Variants in IL1RAPL2 observed in about 807,000 individuals in gnomAD.
IL1RAPL2 encodes X-linked interleukin-1 receptor accessory protein-like 2.
In IL1RAPL2, 3 loss-of-function variants were observed where a neutral mutation model predicts 44.1. That is an observed-to-expected ratio of 0.07 (90% CI 0.03 to 0.18). IL1RAPL2 has a LOEUF of 0.18. Among genes scored for constraint, IL1RAPL2 ranks in the 10% least tolerant of loss-of-function variants. The pLI is 1.00. For synonymous variants in IL1RAPL2, 181 were observed against 178.8 expected, an observed-to-expected ratio of 1.01 and a Z score of -0.10; for missense variants, 391 against 496.4, an observed-to-expected ratio of 0.79 and a Z score of 2.02.
At chrX:105,145,416 C>G (rs1482304433) in intron 2 of IL1RAPL2, among the ~76,000 whole-genome samples, 1 of 111,552 alleles carries the variant, frequency 9.0e-6, no homozygotes, top group Non-Finnish European at 1.9e-5. Flanking sequence ...CCCTAGAATT[C>G]CCCTGCAATC....
At chrX:104,908,136 TTA>T (rs1170718118) in intron 2 of IL1RAPL2, among the ~76,000 whole-genome samples, 1 of 111,105 alleles carries the variant, frequency 9.0e-6, no homozygotes, top group African/African-American at 3.3e-5. Context: ...CCCTGCCTTT[TTA>T]TGTTTTCCAT....
chrX:104,804,516 A>C (rs909065629), intron 2 of IL1RAPL2: 1 of 111,836 alleles, frequency 8.9e-6, no homozygotes, highest in Non-Finnish European at 1.9e-5. Flanking sequence ...TGCCCAGGAC[A>C]TGGTGTTGAA....
At chrX:105,440,830 G>C (rs998191067) in intron 5 of IL1RAPL2, among the ~76,000 whole-genome samples, 1 of 111,287 alleles carries the variant, frequency 9.0e-6, no homozygotes, top group South Asian at 3.8e-4. Flanking sequence ...AATCATGGGG[G>C]GTGGTTTCCC....
chrX:105,415,196 T>C (rs1280899402), intron 5 of IL1RAPL2, among the ~76,000 whole-genome samples: 1 of 111,939 alleles, frequency 8.9e-6, no homozygotes. Flanking sequence ...TTAAAGGAAG[T>C]TTTCTAAATT....
intron 1 of IL1RAPL2, among the ~76,000 whole-genome samples, chrX:104,611,655 G>T (rs1369760241): frequency 2.8e-5 from 3 of 108,846 alleles, no homozygotes; most frequent in Non-Finnish European, 5.7e-5. Context: ...GGCTAACACG[G>T]TGAAACCCCG....
intron 2 of IL1RAPL2, among the ~76,000 whole-genome samples, chrX:105,058,977 T>TA (rs1412551933): frequency 1.8e-5 from 2 of 111,607 alleles, no homozygotes; most frequent in Admixed American, 9.5e-5. Context: ...ATGTATAACT[T>TA]AAAAAAATGT....
rs927014303 is a variant in IL1RAPL2 at position 105,036,051 on chromosome X, G to A, written c.83-159424G>A. ...AACCATGGCCTCTATGGAAGATCATGAGGTATCAGTGTCATTCTTTTGGTA... is the reference window on the plus strand; with the variant it reads ...AACCATGGCCTCTATGGAAGATCATAAGGTATCAGTGTCATTCTTTTGGTA... On this transcript the variant is annotated intron_variant, in intron 2 of 10. Coordinates refer to ENST00000372582, the MANE Select transcript of IL1RAPL2 (RefSeq NM_017416.2). 1.4e-4 allele frequency among the ~76,000 whole-genome samples: 16 copies of A among 111,765 alleles called. No individual in the cohort carries two copies. In the Admixed American group the frequency reaches 1.5e-3, roughly 11 times the overall value.
At chrX:105,140,335 T>A (rs1408240598) in intron 2 of IL1RAPL2, among the ~76,000 whole-genome samples, 1 of 112,379 alleles carries the variant, frequency 8.9e-6, no homozygotes, top group Non-Finnish European at 1.9e-5. Context: ...CCTTCTTTTC[T>A]TGACTAGAAT....
intron 4 of IL1RAPL2, among the ~76,000 whole-genome samples, chrX:105,256,129 A>G (rs1416848526): frequency 9.0e-6 from 1 of 110,700 alleles, no homozygotes; most frequent in Non-Finnish European, 1.9e-5. Context: ...TGTCTCTGTC[A>G]GGTTTTATTA....
chrX:105,020,341 A>G (rs1401313273), intron 2 of IL1RAPL2, among the ~76,000 whole-genome samples: 1 of 111,751 alleles, frequency 8.9e-6, no homozygotes, highest in Non-Finnish European at 1.9e-5. Flanking sequence ...AATGGAAGTA[A>G]TAATAGTTCC....
At chrX:104,701,353 G>T (rs1931269649) in intron 2 of IL1RAPL2, among the ~76,000 whole-genome samples, 1 of 111,999 alleles carries the variant, frequency 8.9e-6, no homozygotes, top group Non-Finnish European at 1.9e-5. Flanking sequence ...CACAGAGCTA[G>T]TAAGTGGCAA....
Position 104,901,651 on chromosome X carries a change from G to C in IL1RAPL2, c.82+242656G>C, listed in dbSNP as rs937830785. Among the ~76,000 whole-genome samples the C allele has an allele frequency of 3.6e-5, 4 of 111,161 alleles. No homozygotes were observed. The Admixed American group carries it at 3.8e-4, about 11-fold the overall frequency. On this transcript the variant is annotated intron_variant, in intron 2 of 10. Transcript: ENST00000372582. ...TACCCACTCCCATAGTGATGTGTTA[G>C]TGAATCCCATATGGAAGAAACATAG...
chrX:104,868,410 A>G (rs1047403024), intron 2 of IL1RAPL2, among the ~76,000 whole-genome samples: 1 of 111,726 alleles, frequency 9.0e-6, no homozygotes, highest in South Asian at 3.8e-4. Flanking sequence ...AGGGTATTAA[A>G]TTACCTGTAT....
intron 6 of IL1RAPL2, among the ~76,000 whole-genome samples, chrX:105,654,855 G>A (rs1483284149): frequency 2.7e-5 from 3 of 111,660 alleles, no homozygotes; most frequent in Non-Finnish European, 3.8e-5. Flanking sequence ...AATTTGGGCT[G>A]AAAGAAAATG....
At chrX:104,869,999 T>C (rs1031613414) in intron 2 of IL1RAPL2, among the ~76,000 whole-genome samples, 5 of 112,243 alleles carry the variant, frequency 4.5e-5, no homozygotes, top group African/African-American at 1.6e-4. Context: ...CTCTTATATG[T>C]ATCCCCTGGA....
chrX:104,673,067 C>A (rs1411499347), intron 2 of IL1RAPL2, among the ~76,000 whole-genome samples: 5 of 111,673 alleles, frequency 4.5e-5, no homozygotes, highest in Admixed American at 9.5e-5. Context: ...CTCTGATGGT[C>A]ATTTCTTTTG....
intron 6 of IL1RAPL2, among the ~76,000 whole-genome samples, chrX:105,639,352 C>G (rs960025131): frequency 1.8e-4 from 20 of 111,675 alleles, no homozygotes; most frequent in Non-Finnish European, 3.2e-4. Flanking sequence ...CTATAACTCT[C>G]CACTGGGCAT....
chrX:105,530,095 G>C (rs1244933403), intron 6 of IL1RAPL2, among the ~76,000 whole-genome samples: 1 of 111,980 alleles, frequency 8.9e-6, no homozygotes, highest in East Asian at 2.8e-4. Flanking sequence ...AAATGGAATG[G>C]GGGAACATAT....
chrX:104,946,375 G>A lies in IL1RAPL2; in HGVS notation c.83-249100G>A, dbSNP rs753519977. Reference sequence around the variant, plus strand: ...GGCCTGGGCGACAGAGCAAGACTCCGTCTCAAAAAAAAAAAAAAAAAAAAA... The same window carrying A: ...GGCCTGGGCGACAGAGCAAGACTCCATCTCAAAAAAAAAAAAAAAAAAAAA... On this transcript the variant is annotated intron_variant, in intron 2 of 10. Coordinates refer to ENST00000372582, the MANE Select transcript of IL1RAPL2 (RefSeq NM_017416.2). Among the ~76,000 whole-genome samples the A allele has an allele frequency of 5.3e-3, 5 of 943 alleles. No homozygotes were observed. The Admixed American group carries it at 0.13, about 25-fold the overall frequency. The allele number at this position is 943 out of a possible 115,157, so 0.8% of individuals were successfully genotyped here.
Sources: allele counts gnomAD v4.1 joint callset (sites outside exome capture counted in the v4.1 genomes callset), GRCh38; gene constraint gnomAD v4.1.1; transcripts MANE v1.5; gene names NCBI Gene and HGNC (gene_info 2026-07-23, HGNC 2026-07-21).